The following ZNF608 variants were observed in gnomAD, a reference collection of about 807,000 sequenced individuals.
ZNF608 encodes renal carcinoma antigen NY-REN-36.
Under a neutral mutation model 109.0 loss-of-function variants are expected in ZNF608, and 12 were observed. The observed-to-expected ratio is 0.11, with a 90% CI of 0.07 to 0.18. The LOEUF (loss-of-function observed/expected upper bound fraction) is 0.18, where lower values mean the gene tolerates loss of function less well. Among genes scored for constraint, ZNF608 ranks in the 10% least tolerant of loss-of-function variants. The probability of loss-of-function intolerance (pLI) is 1.00; values close to 1 mark genes in which losing one functional copy is unlikely to be tolerated. For synonymous variants in ZNF608, 732 were observed against 717.4 expected (o/e 1.02, Z -0.33); for missense variants, 1,707 against 1,879.3 (o/e 0.91, Z 1.70).
At chr5:124,671,925 A>G (rs187692969) in intron 3 of ZNF608, among the ~76,000 whole-genome samples, 7 of 152,320 alleles carry the variant, frequency 4.6e-5, no homozygotes, top group African/African-American at 1.7e-4. Flanking sequence ...GGCATGAGCC[A>G]TTGTGTCCAG....
rs137909469 is a variant in ZNF608, at chr5:124,744,132, C to T, written c.858G>A (p.Glu286=). The change falls in exon 2 of 10, where the codon GAG becomes GAA. Residue 286 remains glutamate, a synonymous_variant. Transcript: ENST00000513986. The surrounding 1 kb of genome is among the most constrained non-coding windows in gnomAD (Gnocchi z 4.5). ...TTCGCCTGTGGCTCTCCTCCTCCTC[C>T]TCTTCCTTCTTTACCAACATAGAGT... is the stretch of plus-strand genomic sequence containing the variant. ...MGNSMLVKKE[E]EEEESHRRIK... 194 of 1,609,116 alleles carry T rather than the reference C, an allele frequency of 1.2e-4. No homozygotes were observed. Among genetic ancestry groups the T allele is most frequent in the Non-Finnish European group, 1.6e-4 (188 of 1,177,928 alleles).
rs1412083457 is a variant in ZNF608 at position 124,649,068 on chromosome 5, C to T, written c.1316G>A (p.Arg439Lys). The T allele has an allele frequency of 1.2e-6, 2 of 1,613,298 alleles. No individual in the cohort carries two copies. Among genetic ancestry groups the T allele is most frequent in the Admixed American group, 1.7e-5 (1 of 59,794 alleles). Residue 439 changes from arginine to lysine, a missense_variant, in exon 5 of 10, where the codon AGG becomes AAG. This residue lies in a region of ZNF608 where 166 missense variants were observed against 204.2 expected (regional missense o/e 0.81). Coordinates refer to ENST00000513986, the MANE Select transcript of ZNF608 (RefSeq NM_020747.3). ...RGGRGRGKRA[R>K]SAAAAPGSEA... is the part of the protein sequence containing the mutation. ...GGAGCCCGGGGCAGCAGCAGCAGACCTCGCTCTCTTCCCTCTGCCCCGGCC... is the reference window on the plus strand; with the variant it reads ...GGAGCCCGGGGCAGCAGCAGCAGACTTCGCTCTCTTCCCTCTGCCCCGGCC...
intron 3 of ZNF608, among the ~76,000 whole-genome samples, chr5:124,655,765 G>T (rs930463857): frequency 6.6e-6 from 1 of 152,088 alleles, no homozygotes; most frequent in Non-Finnish European, 1.5e-5. Context: ...TTATGTTGTC[G>T]TCACTCTGTG....
chr5:124,732,569 G>T (rs557959663), intron 2 of ZNF608, among the ~76,000 whole-genome samples: 9 of 150,470 alleles, frequency 6.0e-5, no homozygotes, highest in African/African-American at 1.9e-4. Flanking sequence ...AAGACATACT[G>T]ACATTCAGGC....
chr5:124,734,571 A>AG (rs1218604260), intron 2 of ZNF608: 2 of 152,146 alleles, frequency 1.3e-5, no homozygotes, highest in Non-Finnish European at 2.9e-5. Flanking sequence ...TACTGATCTC[A>AG]GTACAACCAC....
chr5:124,659,156 T>G (rs539188124), intron 3 of ZNF608, among the ~76,000 whole-genome samples: 1 of 19,216 alleles, frequency 5.2e-5, no homozygotes, highest in Admixed American at 2.9e-4. Context: ...ATTACAGGAT[T>G]TTTTTTTTTT....
At chr5:124,677,958 C>A (rs938966590) in intron 3 of ZNF608, among the ~76,000 whole-genome samples, 1 of 152,104 alleles carries the variant, frequency 6.6e-6, no homozygotes, top group Non-Finnish European at 1.5e-5. Flanking sequence ...GCGTTCTCAT[C>A]CTGCTAGATT....
chr5:124,709,508 G>A (rs1429799289), intron 2 of ZNF608, among the ~76,000 whole-genome samples: 1 of 152,188 alleles, frequency 6.6e-6, no homozygotes, highest in East Asian at 1.9e-4. Context: ...GCCTTGAACT[G>A]TGTAGAGTTC....
chr5:124,730,554 CG>C (rs1182685406), intron 2 of ZNF608, among the ~76,000 whole-genome samples: 13 of 152,166 alleles, frequency 8.5e-5, no homozygotes, highest in Admixed American at 8.5e-4. Flanking sequence ...AGCAGGCTTA[CG>C]GATGCAAATG....
chr5:124,693,974 CTTTTT>C (rs746610497), intron 3 of ZNF608, among the ~76,000 whole-genome samples: 1 of 60,968 alleles, frequency 1.6e-5, no homozygotes, highest in African/African-American at 7.6e-5. Context: ...TTTCATTAAT[CTTTTT>C]TTTTTTTTTT....
intron 3 of ZNF608, among the ~76,000 whole-genome samples, chr5:124,697,586 A>C (rs1008620676): frequency 6.6e-5 from 10 of 152,236 alleles, no homozygotes; most frequent in African/African-American, 1.9e-4. Flanking sequence ...CCTATTAGGC[A>C]TGATCTGAAA....
At chr5:124,693,077 G>A (rs1162205099) in intron 3 of ZNF608, among the ~76,000 whole-genome samples, 1 of 152,150 alleles carries the variant, frequency 6.6e-6, no homozygotes, top group Non-Finnish European at 1.5e-5. Context: ...ATGAATTGCG[G>A]TGATGGTGGT....
In ZNF608 at chr5:124,637,882, T is replaced by G. The variant is rs1202218146; in HGVS notation, c.*18A>C. 1 of 1,608,946 alleles carries G rather than the reference T, an allele frequency of 6.2e-7. No individual in the cohort carries two copies. Among genetic ancestry groups the G allele is most frequent in the Admixed American group, 1.7e-5 (1 of 59,126 alleles). On this transcript the variant is annotated 3_prime_UTR_variant, in exon 10 of 10. Coordinates refer to ENST00000513986, the MANE Select transcript of ZNF608 (RefSeq NM_020747.3). Reference sequence around the variant, plus strand: ...CCCATGTGATCCAGTCACATGACAATGTACATGTCCAATCTTGTTATTCTC... The same window carrying G: ...CCCATGTGATCCAGTCACATGACAAGGTACATGTCCAATCTTGTTATTCTC...
chr5:124,669,078 G>A (rs1207819307), intron 3 of ZNF608, among the ~76,000 whole-genome samples: 2 of 151,894 alleles, frequency 1.3e-5, no homozygotes, highest in Non-Finnish European at 2.9e-5. Context: ...CATATTTAGT[G>A]CACTGAGAAG....
At chr5:124,646,015 T>C (rs1384798106) in intron 5 of ZNF608, among the ~76,000 whole-genome samples, 1 of 152,168 alleles carries the variant, frequency 6.6e-6, no homozygotes, top group East Asian at 1.9e-4. Flanking sequence ...ATCTCAGAGT[T>C]AGAAGAGAAT....
At chr5:124,651,214 TC>T (rs1750757290) in intron 3 of ZNF608, among the ~76,000 whole-genome samples, 2 of 152,196 alleles carry the variant, frequency 1.3e-5, no homozygotes, top group African/African-American at 2.4e-5. Flanking sequence ...GTATAAAATT[TC>T]CTATTGCGAT....
chr5:124,677,483 A>C (rs1751993046), intron 3 of ZNF608, among the ~76,000 whole-genome samples: 1 of 152,220 alleles, frequency 6.6e-6, no homozygotes, highest in East Asian at 1.9e-4. Flanking sequence ...ATTCGCGTAC[A>C]AGGGTATACT....
chr5:124,659,206 A>G (rs1464115260), intron 3 of ZNF608, among the ~76,000 whole-genome samples: 1 of 151,776 alleles, frequency 6.6e-6, no homozygotes, highest in Admixed American at 6.6e-5. Context: ...CCACGATGCC[A>G]TTACTTCGAC....
chr5:124,707,393 G>A (rs1045770956), intron 2 of ZNF608, among the ~76,000 whole-genome samples: 3 of 152,272 alleles, frequency 2.0e-5, no homozygotes, highest in African/African-American at 7.2e-5. Context: ...ACCCTGACAG[G>A]GAAGCTTGCC....
Sources: allele counts gnomAD v4.1 joint callset (sites outside exome capture counted in the v4.1 genomes callset), GRCh38; gene constraint gnomAD v4.1.1; regional missense constraint gnomAD v4.1.1; non-coding constraint Gnocchi (gnomAD v3.1); transcripts MANE v1.5; gene names NCBI Gene and HGNC (gene_info 2026-07-23, HGNC 2026-07-21).